ABTB2: variants seen among roughly 807,000 people sequenced by gnomAD.
ABTB2 encodes ankyrin repeat and BTB/POZ domain-containing protein 2.
ABTB2 carries 56 observed loss-of-function variants against 104.1 expected under a neutral mutation model. The observed-to-expected ratio is 0.54, with a 90% CI of 0.43 to 0.67. The LOEUF is 0.67. ABTB2 is among the 30% of genes least tolerant of loss of function. The pLI is 0.00. For synonymous variants in ABTB2, 606 were observed against 608.2 expected (o/e 1.00, Z 0.05); for missense variants, 1,279 against 1,407.7 (o/e 0.91, Z 1.46).
chr11:34,334,638 C>T (rs1353204372), intron 1 of ABTB2, among the ~76,000 whole-genome samples: 1 of 152,140 alleles, frequency 6.6e-6, no homozygotes, highest in East Asian at 1.9e-4. Flanking sequence ...ACCCTCCCTC[C>T]CCTAATCCTT....
chr11:34,232,560 C>T (rs757014282), intron 1 of ABTB2, among the ~76,000 whole-genome samples: 19 of 152,126 alleles, frequency 1.2e-4, no homozygotes, highest in African/African-American at 4.3e-4. Context: ...AGGGACCTCT[C>T]GAGACCTTCT....
chr11:34,170,680 C>A (rs1852860610), intron 5 of ABTB2, among the ~76,000 whole-genome samples: 1 of 152,186 alleles, frequency 6.6e-6, no homozygotes, highest in South Asian at 2.1e-4. Flanking sequence ...GCTGTCCAGC[C>A]AGGGAAGCGG....
intron 1 of ABTB2, among the ~76,000 whole-genome samples, chr11:34,306,236 ATTTT>A (rs34872949): frequency 0.055 from 3,960 of 71,464 alleles, 31 homozygotes; most frequent in Non-Finnish European, 0.075. Flanking sequence ...GGAAAGTTTG[ATTTT>A]TTTTTTTTTT....
intron 9 of ABTB2, among the ~76,000 whole-genome samples, chr11:34,163,398 C>T (rs1050805120): frequency 1.3e-5 from 2 of 152,214 alleles, no homozygotes; most frequent in African/African-American, 2.4e-5. Context: ...TTAGACCCCA[C>T]AGAGGACGCT....
intron 3 of ABTB2, among the ~76,000 whole-genome samples, chr11:34,184,508 G>A (rs1038795583): frequency 2.8e-4 from 43 of 152,206 alleles, no homozygotes; most frequent in African/African-American, 4.1e-4. Context: ...GTTCCAGGGC[G>A]GCATTTCGTG....
At chr11:34,351,060 C>T (rs1299375749) in intron 1 of ABTB2, among the ~76,000 whole-genome samples, 1 of 152,208 alleles carries the variant, frequency 6.6e-6, no homozygotes, top group Non-Finnish European at 1.5e-5. Context: ...CATCTACCCA[C>T]TGACCTGTCG....
At chr11:34,286,396 G>A (rs1381170951) in intron 1 of ABTB2, among the ~76,000 whole-genome samples, 2 of 151,998 alleles carry the variant, frequency 1.3e-5, no homozygotes, top group African/African-American at 2.4e-5. Context: ...CAGTTCAAGC[G>A]ATTCTCCCGC....
intron 1 of ABTB2, among the ~76,000 whole-genome samples, chr11:34,232,462 A>AAAAAAAAAC (rs1853783340): frequency 2.0e-5 from 3 of 151,574 alleles, no homozygotes; most frequent in African/African-American, 4.8e-5. Context: ...AAAAAAAAAA[A>AAAAAAAAAC]AAAATTGTTC....
At chr11:34,345,546 C>A (rs2133125980) in intron 1 of ABTB2, among the ~76,000 whole-genome samples, 1 of 152,172 alleles carries the variant, frequency 6.6e-6, no homozygotes, top group East Asian at 1.9e-4. Context: ...CCCCCGCCAT[C>A]ATCATTTGTC....
At chr11:34,353,544 T>A (rs1431904219) in intron 1 of ABTB2, among the ~76,000 whole-genome samples, 1 of 152,222 alleles carries the variant, frequency 6.6e-6, no homozygotes, top group East Asian at 1.9e-4. Context: ...ATTGGGGACA[T>A]CAATACCAAA....
chr11:34,178,015 G>A (rs1399308525), intron 3 of ABTB2, among the ~76,000 whole-genome samples: 2 of 152,128 alleles, frequency 1.3e-5, no homozygotes, highest in East Asian at 1.9e-4. Flanking sequence ...CCTGCTCCAC[G>A]AGCTCCTCCA....
At chr11:34,172,632 T>C (rs1852899262) in intron 4 of ABTB2, among the ~76,000 whole-genome samples, 1 of 151,894 alleles carries the variant, frequency 6.6e-6, no homozygotes, top group East Asian at 1.9e-4. Context: ...CTGGGCACGG[T>C]AAAGTGCTAG....
intron 1 of ABTB2, among the ~76,000 whole-genome samples, chr11:34,318,562 G>A (rs1036399597): frequency 6.6e-5 from 10 of 152,190 alleles, no homozygotes; most frequent in Admixed American, 2.0e-4. Flanking sequence ...CAGTTGGCTC[G>A]TGGCAGGGCC....
At chr11:34,189,537 G>A (rs1040581235) in intron 3 of ABTB2, among the ~76,000 whole-genome samples, 1 of 152,200 alleles carries the variant, frequency 6.6e-6, no homozygotes, top group African/African-American at 2.4e-5. Flanking sequence ...GGAGGTCGAC[G>A]TTGCAGTGAG....
intron 1 of ABTB2, among the ~76,000 whole-genome samples, chr11:34,244,762 C>T (rs933508176): frequency 2.6e-5 from 4 of 152,152 alleles, no homozygotes; most frequent in African/African-American, 9.7e-5. Flanking sequence ...AATCCCAGCA[C>T]TTTGGGAGAC....
At chr11:34,251,804 G>A (rs1355833918) in intron 1 of ABTB2, among the ~76,000 whole-genome samples, 1 of 152,154 alleles carries the variant, frequency 6.6e-6, no homozygotes, top group Non-Finnish European at 1.5e-5. Context: ...AGCAGAATGT[G>A]AGGCTATCTA....
chr11:34,174,393 G>T (rs1325464274), intron 3 of ABTB2, among the ~76,000 whole-genome samples: 1 of 151,974 alleles, frequency 6.6e-6, no homozygotes, highest in Non-Finnish European at 1.5e-5. Context: ...AGGGAGGAAT[G>T]GTCCTAGCGG....
intron 1 of ABTB2, among the ~76,000 whole-genome samples, chr11:34,219,505 C>T (rs1853589783): frequency 2.6e-5 from 4 of 151,620 alleles, no homozygotes; most frequent in Admixed American, 2.6e-4. Context: ...ATCATGCCAC[C>T]GTACTCCAGC....
intron 1 of ABTB2, among the ~76,000 whole-genome samples, chr11:34,273,485 G>A (rs1435183150): frequency 6.6e-6 from 1 of 152,108 alleles, no homozygotes; most frequent in Non-Finnish European, 1.5e-5. Context: ...TCCACTGGAC[G>A]AAGCCAGCAT....
Sources: allele counts gnomAD v4.1 joint callset (sites outside exome capture counted in the v4.1 genomes callset), GRCh38; gene constraint gnomAD v4.1.1; transcripts MANE v1.5; gene names NCBI Gene and HGNC (gene_info 2026-07-23, HGNC 2026-07-21).